The following CDH1 variants were observed in gnomAD, a reference collection of about 807,000 sequenced individuals.
The protein encoded by CDH1 is cadherin 1.
In CDH1, 35 loss-of-function variants were observed where a neutral mutation model predicts 84.5. The ratio of observed to expected loss-of-function variants is 0.41; its 90% confidence interval spans 0.32 to 0.55. The LOEUF is 0.55. CDH1 is among the 20% of genes least tolerant of loss of function. The pLI is 0.19. For synonymous variants in CDH1, 417 were observed against 439.0 expected, an observed-to-expected ratio of 0.95 and a Z score of 0.63; for missense variants, 994 against 1,126.6, an observed-to-expected ratio of 0.88 and a Z score of 1.68.
intron 10 of CDH1, among the ~76,000 whole-genome samples, chr16:68,818,458 C>G (rs1961042362): frequency 6.6e-6 from 1 of 150,896 alleles, no homozygotes; most frequent in South Asian, 2.1e-4. Context: ...TGAGTAAACT[C>G]AGGTGAAGAG....
At chr16:68,782,691 G>C (rs374158455) in intron 2 of CDH1, among the ~76,000 whole-genome samples, 1 of 152,092 alleles carries the variant, frequency 6.6e-6, no homozygotes, top group African/African-American at 2.4e-5. Context: ...TCTTCTCTCC[G>C]CTGGCCCACA....
At position 68,829,784 on chromosome 16, in the gene CDH1, A is replaced by G. The variant is rs1427872591; in HGVS notation, c.2426A>G (p.Asn809Ser). The change falls in exon 15 of 16, where the codon AAT becomes AGT. Residue 809 changes from asparagine to serine, a missense_variant. By Grantham distance (46) the Asn-to-Ser change is conservative. Around this residue, in one of 3 missense-constraint regions of CDH1, gnomAD observed 769 missense variants for 881.8 expected, o/e 0.87. Coordinates refer to ENST00000261769, the MANE Select transcript of CDH1 (RefSeq NM_004360.5). ...CCTGCCAATCCCGATGAAATTGGAA[A>G]TTTTATTGATGAAGTAAGTAATCCA... ...PRPANPDEIG[N>S]FIDENLKAAD... The G allele has an allele frequency of 1.2e-6, 2 of 1,613,888 alleles. No homozygotes were observed. Among genetic ancestry groups the G allele is most frequent in the Non-Finnish European group, 1.7e-6 (2 of 1,180,024 alleles).
intron 9 of CDH1, among the ~76,000 whole-genome samples, chr16:68,813,736 G>A (rs1181999438): frequency 6.6e-6 from 1 of 152,158 alleles, no homozygotes; most frequent in Non-Finnish European, 1.5e-5. Flanking sequence ...GCTGAGGCAG[G>A]CAGATCACGA....
chr16:68,810,036 T>G (rs1376775802), intron 5 of CDH1, among the ~76,000 whole-genome samples, 161 bp from the exon 6 acceptor site: 1 of 152,138 alleles, frequency 6.6e-6, no homozygotes, highest in African/African-American at 2.4e-5. Context: ...ATAATCTCAC[T>G]GAAGCAGCAG....
intron 2 of CDH1, among the ~76,000 whole-genome samples, chr16:68,743,048 G>T (rs575069995): frequency 6.6e-6 from 1 of 152,332 alleles, no homozygotes; most frequent in East Asian, 1.9e-4. Flanking sequence ...CTTCCTCCCA[G>T]TGGGGCCCTG....
intron 5 of CDH1, among the ~76,000 whole-genome samples, chr16:68,809,177 C>T (rs1027633788): frequency 1.3e-5 from 2 of 151,400 alleles, no homozygotes; most frequent in Admixed American, 6.6e-5. Context: ...GGGAGCAAAA[C>T]CCATTTCTTG....
intron 5 of CDH1, chr16:68,809,078 A>G: frequency 1.8e-6 from 1 of 558,230 alleles, no homozygotes; most frequent in Non-Finnish European, 3.2e-6. Context: ...GCATCCTCAT[A>G]CAACCAGGAC....
chr16:68,742,727 C>T (rs186948692), intron 2 of CDH1: 1 of 152,536 alleles, frequency 6.6e-6, no homozygotes, highest in East Asian at 1.9e-4. Flanking sequence ...GGCCATTTCC[C>T]CTCCTTTCTG....
At chr16:68,788,503 T>A (rs1384401824) in intron 2 of CDH1, among the ~76,000 whole-genome samples, 1 of 152,204 alleles carries the variant, frequency 6.6e-6, no homozygotes, top group Admixed American at 6.5e-5. Flanking sequence ...AGATTTTTCA[T>A]ATGAACTGTG....
At chr16:68,781,562 C>A (rs1408318679) in intron 2 of CDH1, among the ~76,000 whole-genome samples, 1 of 152,124 alleles carries the variant, frequency 6.6e-6, no homozygotes, top group Admixed American at 6.6e-5. Context: ...TGGTGTCGAA[C>A]TCCTGAGCTC....
chr16:68,760,257 G>A (rs1963132806), intron 2 of CDH1, among the ~76,000 whole-genome samples: 1 of 128,580 alleles, frequency 7.8e-6, no homozygotes, highest in African/African-American at 3.0e-5. Flanking sequence ...CCAACACCAC[G>A]CCCAGCTAAT....
chr16:68,763,451 T>A (rs927939800), intron 2 of CDH1: 1 of 152,194 alleles, frequency 6.6e-6, no homozygotes, highest in African/African-American at 2.4e-5. Context: ...CTCCCCACTT[T>A]ACAGATGAAG....
chr16:68,743,359 C>CTTTCTTTTCT (rs1555510236), intron 2 of CDH1, among the ~76,000 whole-genome samples: 1,544 of 55,488 alleles, frequency 0.028, 225 homozygotes, highest in East Asian at 0.046. Context: ...TTCTTTCTTT[C>CTTTCTTTTCT]TTTCTTTTCT....
rs962071995 is a variant in CDH1, at chr16:68,755,106, G to A, written c.163+16695G>A. ...ACCAGCCTGGGCATGATAGAACCCC[G>A]CCTCTACAAAAAATCCAAAAATTAG... On this transcript the variant is annotated intron_variant, in intron 2 of 15. Coordinates refer to ENST00000261769, the MANE Select transcript of CDH1 (RefSeq NM_004360.5). Among the ~76,000 whole-genome samples the A allele has an allele frequency of 2.6e-5, 4 of 151,778 alleles. No individual in the cohort carries two copies. In the East Asian group the frequency reaches 5.8e-4, roughly 22 times the overall value.
chr16:68,829,466 A>G (rs999858802), intron 14 of CDH1, among the ~76,000 whole-genome samples, 188 bp from the exon 15 acceptor site: 1 of 152,158 alleles, frequency 6.6e-6, no homozygotes, highest in Non-Finnish European at 1.5e-5. Flanking sequence ...CCTTTGGGCC[A>G]TGTTTTTTTC....
intron 2 of CDH1, among the ~76,000 whole-genome samples, chr16:68,739,893 G>T (rs1962513216): frequency 1.3e-5 from 2 of 152,090 alleles, no homozygotes; most frequent in South Asian, 4.1e-4. Flanking sequence ...GGGATTACAG[G>T]CATGAGCCAG....
chr16:68,807,833 C>T (rs2152129308), intron 3 of CDH1, among the ~76,000 whole-genome samples: 1 of 152,210 alleles, frequency 6.6e-6, no homozygotes. Context: ...GTAATCCCAG[C>T]ATTTTGGGAG....
intron 6 of CDH1, 107 bp from the exon 7 acceptor site, chr16:68,811,577 C>T (rs1429279635): frequency 6.3e-6 from 6 of 954,438 alleles, no homozygotes; most frequent in African/African-American, 3.2e-5. Flanking sequence ...CACGGTACCA[C>T]CCCCATGTCC....
At chr16:68,829,484 A>G (rs941989045) in intron 14 of CDH1, among the ~76,000 whole-genome samples, 170 bp from the exon 15 acceptor site, 3 of 152,130 alleles carry the variant, frequency 2.0e-5, no homozygotes. Flanking sequence ...TTCCAGTGCT[A>G]TTTGGGAGAC....
Sources: allele counts gnomAD v4.1 joint callset (sites outside exome capture counted in the v4.1 genomes callset), GRCh38; gene constraint gnomAD v4.1.1; regional missense constraint gnomAD v4.1.1; transcripts MANE v1.5; gene names NCBI Gene and HGNC (gene_info 2026-07-23, HGNC 2026-07-21).